Variants in FAT3 observed in about 807,000 individuals in gnomAD.
The protein encoded by FAT3 is protocadherin Fat 3.
A neutral mutation model predicts 310.2 loss-of-function variants in FAT3; 95 were observed. That is an observed-to-expected ratio of 0.31 (90% confidence interval 0.26 to 0.36). The LOEUF is 0.36. Ranked by LOEUF, FAT3 falls within the 10% of genes least tolerant of loss-of-function variation. The pLI is 1.00. For synonymous variants in FAT3, 2,314 were observed against 2,192.9 expected, an observed-to-expected ratio of 1.06 and a Z score of -1.54; for missense variants, 5,408 against 5,715.6, an observed-to-expected ratio of 0.95 and a Z score of 1.74.
chr11:92,263,807 T>A (rs1865663928), intron 1 of FAT3, among the ~76,000 whole-genome samples: 2 of 152,072 alleles, frequency 1.3e-5, no homozygotes, highest in Non-Finnish European at 2.9e-5. Context: ...CCCTCCCTTT[T>A]TTCATCTTGA....
intron 2 of FAT3, among the ~76,000 whole-genome samples, chr11:92,412,732 T>TACACACAC (rs1196404353): frequency 2.2e-4 from 4 of 17,948 alleles, no homozygotes; most frequent in Non-Finnish European, 3.5e-4. Flanking sequence ...TATATATATA[T>TACACACAC]ATATATATAT....
At chr11:92,432,240 A>G (rs1347354858) in intron 2 of FAT3, among the ~76,000 whole-genome samples, 1 of 151,968 alleles carries the variant, frequency 6.6e-6, no homozygotes, top group African/African-American at 2.4e-5. Context: ...ATTCCTAGGT[A>G]TTTTATTCTC....
At position 92,753,350 on chromosome 11, in the gene FAT3, C is replaced by T. The variant is rs1045901456; in HGVS notation, c.3670-8506C>T. ...AATAAGAACCGCCCCCATTCAACCC[C>T]CAGAACCATGAAAAACAATAAAAAG... is the stretch of plus-strand genomic sequence containing the variant. On this transcript the variant is annotated intron_variant, in intron 4 of 27. Transcript: ENST00000525166. Among the ~76,000 whole-genome samples, 4 of 152,104 alleles carry T rather than the reference C, an allele frequency of 2.6e-5. No individual in the cohort carries two copies. The South Asian group carries it at 6.2e-4, about 24-fold the overall frequency.
At chr11:92,543,749 A>G (rs763560091) in intron 3 of FAT3, among the ~76,000 whole-genome samples, 3 of 152,188 alleles carry the variant, frequency 2.0e-5, no homozygotes, top group Non-Finnish European at 4.4e-5. Flanking sequence ...AGTTGATGAT[A>G]TTGTTCTGCC....
intron 1 of FAT3, among the ~76,000 whole-genome samples, chr11:92,277,227 A>G (rs1946295959): frequency 6.6e-6 from 1 of 152,176 alleles, no homozygotes; most frequent in Non-Finnish European, 1.5e-5. Flanking sequence ...TTCTGCCAAG[A>G]TATAACATCT....
At chr11:92,434,471 T>C (rs1950880820) in intron 2 of FAT3, among the ~76,000 whole-genome samples, 1 of 152,160 alleles carries the variant, frequency 6.6e-6, no homozygotes, top group South Asian at 2.1e-4. Context: ...GGCAAGCTTG[T>C]CCTCACCCCT....
chr11:92,805,028 G>T, intron 10 of FAT3, 125 bp from the exon 11 acceptor site: 1 of 835,370 alleles, frequency 1.2e-6, no homozygotes, highest in Non-Finnish European at 1.7e-6. Context: ...CAGTATCTTT[G>T]TAGTATCCTA....
intron 3 of FAT3, among the ~76,000 whole-genome samples, chr11:92,633,523 G>T (rs1941639262): frequency 6.6e-6 from 1 of 152,184 alleles, no homozygotes; most frequent in Admixed American, 6.5e-5. Flanking sequence ...TCCACAGTGT[G>T]TCCTTCATTC....
chr11:92,346,736 C>T (rs1174667061), intron 1 of FAT3, among the ~76,000 whole-genome samples: 1 of 152,072 alleles, frequency 6.6e-6, no homozygotes, highest in East Asian at 1.9e-4. Context: ...AATATTAGCC[C>T]CAAAGTCACC....
intron 8 of FAT3, among the ~76,000 whole-genome samples, chr11:92,792,487 T>A (rs1407776234): frequency 2.6e-5 from 4 of 152,100 alleles, no homozygotes; most frequent in Non-Finnish European, 5.9e-5. Context: ...GTGCTGTGTT[T>A]GTGATATCAA....
chr11:92,623,595 G>T (rs1941188861), intron 3 of FAT3, among the ~76,000 whole-genome samples: 2 of 152,154 alleles, frequency 1.3e-5, no homozygotes, highest in Non-Finnish European at 2.9e-5. Flanking sequence ...AATGGTGTGG[G>T]TTTTTTAATT....
chr11:92,489,405 T>C (rs2509652), intron 2 of FAT3, among the ~76,000 whole-genome samples: 74,557 of 151,910 alleles, frequency 0.49, 18,658 homozygotes, highest in East Asian at 0.61. Context: ...CTGTATTTAG[T>C]CCCCGAATGT....
chr11:92,476,119 A>G (rs73550922), intron 2 of FAT3, among the ~76,000 whole-genome samples: 2,070 of 151,868 alleles, frequency 0.014, 43 homozygotes, highest in African/African-American at 0.048. Flanking sequence ...AGGGGAAGGG[A>G]GAGAGTGTCA....
chr11:92,848,153 C>G (rs1405910702), intron 19 of FAT3, among the ~76,000 whole-genome samples: 1 of 152,214 alleles, frequency 6.6e-6, no homozygotes, highest in South Asian at 2.1e-4. Context: ...CAACTTCCAG[C>G]TCATCTTTTT....
rs1949739980 is a variant in FAT3, at chr11:92,883,993, C to T, written c.12937+600C>T. Among the ~76,000 whole-genome samples the T allele has an allele frequency of 6.6e-6, 1 of 152,180 alleles. No homozygotes were observed. Among genetic ancestry groups the T allele is most frequent in the Non-Finnish European group, 1.5e-5 (1 of 68,030 alleles). ...TGATCAGAAGAAAAGCAAGTCATTT[C>T]TTCTTGGCTGGAATGTAGAGACCAT... On this transcript the variant is annotated intron_variant, in intron 24 of 27. Transcript: ENST00000525166. The surrounding 1 kb of genome is among the most constrained non-coding windows in gnomAD (Gnocchi z 4.2).
intron 1 of FAT3, among the ~76,000 whole-genome samples, chr11:92,229,410 C>T (rs775293693): frequency 6.6e-6 from 1 of 150,890 alleles, no homozygotes; most frequent in Non-Finnish European, 1.5e-5. Context: ...CTCAAACTTA[C>T]TGAGTTTTCT....
rs1045763775 is a variant in FAT3 at position 92,891,950 on chromosome 11, T to C, written c.*837T>C. 2.6e-5 allele frequency: 4 copies of C among 152,208 alleles called. No individual in the cohort carries two copies. Among genetic ancestry groups the C allele is most frequent in the Non-Finnish European group, 5.9e-5 (4 of 68,036 alleles). The allele number at this position is 152,208 out of a possible 1,614,324, so 9.4% of individuals were successfully genotyped here. On this transcript the variant is annotated 3_prime_UTR_variant, in exon 28 of 28. Coordinates refer to ENST00000525166, the MANE Select transcript of FAT3 (RefSeq NM_001367949.2). ...TTGCTACAGAAGTTGGCTTTGTTCA[T>C]ATAGCTTCTCTACAATTAGATATTT...
At chr11:92,851,737 G>C (rs1013014464) in intron 19 of FAT3, among the ~76,000 whole-genome samples, 1 of 151,696 alleles carries the variant, frequency 6.6e-6, no homozygotes, top group Admixed American at 6.6e-5. Flanking sequence ...GAGCATGTCA[G>C]CCTATGAGCC....
At position 92,892,729 on chromosome 11, in the gene FAT3, A is replaced by G. The variant is rs1949942431; in HGVS notation, c.*1616A>G. Reference sequence around the variant, plus strand: ...CCCAGCCCAAAACTGTGCTTTTTAAAAACAGTATTTTGTTATAATTTTCCA... The same window carrying G: ...CCCAGCCCAAAACTGTGCTTTTTAAGAACAGTATTTTGTTATAATTTTCCA... On this transcript the variant is annotated 3_prime_UTR_variant, in exon 28 of 28. Transcript: ENST00000525166. The G allele has an allele frequency of 6.6e-6, 1 of 152,196 alleles. No individual in the cohort carries two copies. The highest frequency in any genetic ancestry group is 2.4e-5 in the African/African-American group (1 of 41,446). The allele number at this position is 152,196 out of a possible 1,614,324, so 9.4% of individuals were successfully genotyped here.
Sources: gnomAD v4.1 joint callset for allele counts (sites outside exome capture counted in the v4.1 genomes callset) on GRCh38, gnomAD v4.1.1 for gene constraint, Gnocchi (gnomAD v3.1) non-coding constraint, MANE v1.5 for transcripts, NCBI Gene and HGNC (gene_info 2026-07-23, HGNC 2026-07-21) for gene names.